The following PLEKHG2 variants were observed in gnomAD, a reference collection of about 807,000 sequenced individuals.
The protein encoded by PLEKHG2 is pleckstrin homology domain-containing family G member 2.
PLEKHG2 carries 71 observed loss-of-function variants against 104.4 expected under a neutral mutation model. That is an observed-to-expected ratio of 0.68 (90% CI 0.56 to 0.83). PLEKHG2 has a LOEUF of 0.83. Ranked by LOEUF, PLEKHG2 falls within the 40% of genes least tolerant of loss-of-function variation. The pLI is 0.00. For synonymous variants in PLEKHG2, 728 were observed against 737.0 expected, an observed-to-expected ratio of 0.99 and a Z score of 0.20; for missense variants, 1,730 against 1,809.4, an observed-to-expected ratio of 0.96 and a Z score of 0.80.
At position 39,415,290 on chromosome 19, in the gene PLEKHG2, G is replaced by T. The variant is rs183146145; in HGVS notation, c.378+30G>T. 7.7e-4 allele frequency: 1,233 copies of T among 1,605,376 alleles called. 7 individuals carry two copies. Among genetic ancestry groups the T allele is most frequent in the Non-Finnish European group, 6.2e-4 (729 of 1,175,726 alleles). Reference sequence around the variant, plus strand: ...GGCGGGCAGACACCAGAGGGCAGTGGGTACCCAGGCCAGCCCCTTGGCCCC... The same window carrying T: ...GGCGGGCAGACACCAGAGGGCAGTGTGTACCCAGGCCAGCCCCTTGGCCCC... On this transcript the variant is annotated intron_variant, in intron 3 of 18. Transcript: ENST00000425673. The surrounding 1 kb of genome is among the most constrained non-coding windows in gnomAD (Gnocchi z 4.6).
At position 39,423,011 on chromosome 19, in the gene PLEKHG2, G is replaced by C. The variant is rs748597403; in HGVS notation, c.1957G>C (p.Gly653Arg). The C allele has an allele frequency of 2.0e-5, 32 of 1,614,096 alleles. No individual in the cohort carries two copies. Among genetic ancestry groups the C allele is most frequent in the Non-Finnish European group, 2.5e-5 (30 of 1,180,038 alleles). Residue 653 changes from glycine (G) to arginine (R), a missense_variant, in exon 18 of 19, where the codon GGT (glycine) becomes CGT (arginine). Physicochemically the swap from Gly to Arg is moderately radical, Grantham distance 125. Transcript: ENST00000425673. ...TCCCAGCCGCTGTGAAATTCCCGAA[G>C]GTTCTCGCCTTCCTAGTCTCTCTGA... ...EIPSRCEIPEGSRLPSLSDIS... is the reference protein window; with the variant it reads ...EIPSRCEIPERSRLPSLSDIS...
In PLEKHG2 at chr19:39,425,567, A is replaced by G. The variant is rs187034800; in HGVS notation, c.*273A>G. ...GCTGTGGGAGATGACAAGACAATGA[A>G]TGGGAAGGTCTGACACAGAACAAAT... On this transcript the variant is annotated 3_prime_UTR_variant, in exon 19 of 19. Transcript: ENST00000425673. The G allele has an allele frequency of 4.6e-4, 228 of 491,178 alleles. 2 individuals carry two copies. The East Asian group carries it at 7.8e-3, about 17-fold the overall frequency. 30.4% of individuals were successfully genotyped at this position (491,178 alleles called of 1,614,324 possible).
chr19:39,424,250 C>A lies in PLEKHG2; in HGVS notation c.3117C>A (p.Pro1039=). ...CAGTTTCAGTCACCACCCCTGTGCC[C>A]AAGCAAGAAGGTCACCTAGACAGCG... ...DFTVSVTTPV[P]KQEGHLDSES... Residue 1039 remains proline, a synonymous_variant, in exon 19 of 19, where the codon CCC becomes CCA. Coordinates refer to ENST00000425673, the MANE Select transcript of PLEKHG2 (RefSeq NM_022835.3). 2 of 1,614,166 alleles carry A rather than the reference C, an allele frequency of 1.2e-6. No individual in the cohort carries two copies. The highest frequency in any genetic ancestry group is 1.7e-6 in the Non-Finnish European group (2 of 1,180,036).
chr19:39,413,804 C>T lies in PLEKHG2; in HGVS notation c.-22-261C>T, dbSNP rs1277567512. On this transcript the variant is annotated intron_variant, in intron 1 of 18. Coordinates refer to ENST00000425673, the MANE Select transcript of PLEKHG2 (RefSeq NM_022835.3). This position sits in a 1 kb window ranked among gnomAD's most constrained non-coding sequence, Gnocchi z 4.5. ...AAACGTTCCCAGGATCCCTAAGCCT[C>T]CGGCCCCAGACAAACGGGACTCGCA... 8.4e-6 allele frequency: 2 copies of T among 237,650 alleles called. No individual in the cohort carries two copies. The highest frequency in any genetic ancestry group is 1.7e-5 in the Non-Finnish European group (2 of 118,072). 14.7% of individuals were successfully genotyped at this position (237,650 alleles called of 1,614,324 possible).
Position 39,416,348 on chromosome 19 carries a change from C to T in PLEKHG2, c.480C>T (p.Ser160=), listed in dbSNP as rs1232983555. The change falls in exon 5 of 19, where the codon AGC becomes AGT. Residue 160 remains serine, a splice_region_variant and synonymous_variant. Transcript: ENST00000425673. This position sits in a 1 kb window ranked among gnomAD's most constrained non-coding sequence, Gnocchi z 4.5. ...CCTCACCCTCCCCTCTCCCCTGTAG[C>T]GAGCTCCTGGAGGACTTGGAGAACA... ...ANIEDIYEFS[S]ELLEDLENSS... 3.7e-6 allele frequency: 6 copies of T among 1,612,746 alleles called. No individual in the cohort carries two copies. The highest frequency in any genetic ancestry group is 1.1e-5 in the South Asian group (1 of 91,022).
In PLEKHG2 at chr19:39,424,575, C is replaced by T. The variant is rs1247449147; in HGVS notation, c.3442C>T (p.Leu1148=). ...TQVPATTPLP[L]PQVLTDIWVQ... ...GGTTCCAGCTACCACACCTTTGCCCCTGCCACAAGTCCTCACAGACATCTG... is the reference window on the plus strand; with the variant it reads ...GGTTCCAGCTACCACACCTTTGCCCTTGCCACAAGTCCTCACAGACATCTG... The change falls in exon 19 of 19, where the codon CTG becomes TTG. Residue 1148 remains leucine (L), a synonymous_variant. Transcript: ENST00000425673. 1 of 1,614,032 alleles carries T rather than the reference C, an allele frequency of 6.2e-7. No individual in the cohort carries two copies. Among genetic ancestry groups the T allele is most frequent in the Non-Finnish European group, 8.5e-7 (1 of 1,180,040 alleles).
rs746269413 is a variant in PLEKHG2 at position 39,424,770 on chromosome 19, C to T, written c.3637C>T (p.Pro1213Ser). The T allele has an allele frequency of 1.9e-6, 3 of 1,614,208 alleles. No individual in the cohort carries two copies. The highest frequency in any genetic ancestry group is 1.7e-6 in the Non-Finnish European group (2 of 1,180,038). ...AGATGCCCATGTTCCAGCTGCCACA[C>T]CTTTACCTGAGAGAGGAGGCTCTCT... ...LIDAHVPAAT[P>S]LPERGGSLDI... is the part of the protein sequence containing the mutation. The change falls in exon 19 of 19, where the codon CCT becomes TCT. Residue 1213 changes from proline (P) to serine (S), a missense_variant. Transcript: ENST00000425673.
Position 39,415,089 on chromosome 19 carries a change from TC to T in PLEKHG2, c.209del (p.Pro70GlnfsTer71). Reference sequence around the variant, plus strand: ...AGGGGGATCCAGCCCCTGGGCCCACTCCAGCCTGCTCAGCCTCCAGGCCAGA... The same window carrying T: ...AGGGGGATCCAGCCCCTGGGCCCACTCAGCCTGCTCAGCCTCCAGGCCAGA... ...SEGDPAPGPT[P>X]ACSASRPEPL... is the part of the protein sequence containing the mutation. On this transcript the variant is annotated frameshift_variant, in exon 3 of 19. Coordinates refer to ENST00000425673, the MANE Select transcript of PLEKHG2 (RefSeq NM_022835.3). LOFTEE classifies it high-confidence loss of function. The surrounding 1 kb of genome is among the most constrained non-coding windows in gnomAD (Gnocchi z 4.6). 10 of 1,590,946 alleles carry T rather than the reference TC, an allele frequency of 6.3e-6. No homozygotes were observed. In the Middle Eastern group the frequency reaches 6.6e-4, roughly 105 times the overall value.
chr19:39,416,658 C>T lies in PLEKHG2; in HGVS notation c.593+61C>T. The stretch of plus-strand genomic sequence containing the variant: ...TGCCCACAAGCTGATGTGCCAGTCA[C>T]CCGTCACCCTCCCTCTACCCCCGAC... On this transcript the variant is annotated intron_variant, in intron 6 of 18. Transcript: ENST00000425673. This position sits in a 1 kb window ranked among gnomAD's most constrained non-coding sequence, Gnocchi z 4.5. 3.1e-6 allele frequency: 5 copies of T among 1,594,246 alleles called. No homozygotes were observed. Among genetic ancestry groups the T allele is most frequent in the Non-Finnish European group, 4.3e-6 (5 of 1,163,472 alleles).
rs753709636 is a variant in PLEKHG2, at chr19:39,423,788, A to G, written c.2655A>G (p.Thr885=). The change falls in exon 19 of 19, where the codon ACA becomes ACG. Residue 885 remains threonine, a synonymous_variant. Coordinates refer to ENST00000425673, the MANE Select transcript of PLEKHG2 (RefSeq NM_022835.3). ...VLVCELAFPL[T]CAQESVPLGP... is the part of the protein sequence containing the mutation. Reference sequence around the variant, plus strand: ...TATGTGAGCTGGCCTTCCCACTGACATGTGCCCAGGAGTCTGTCCCCCTGG... The same window carrying G: ...TATGTGAGCTGGCCTTCCCACTGACGTGTGCCCAGGAGTCTGTCCCCCTGG... 1.2e-6 allele frequency: 2 copies of G among 1,614,108 alleles called. No homozygotes were observed. Among genetic ancestry groups the G allele is most frequent in the African/African-American group, 1.3e-5 (1 of 75,048 alleles).
In PLEKHG2 at chr19:39,418,935, A is replaced by G; in HGVS notation, c.1195A>G (p.Lys399Glu). 1 of 1,612,684 alleles carries G rather than the reference A, an allele frequency of 6.2e-7. No homozygotes were observed. The highest frequency in any genetic ancestry group is 8.5e-7 in the Non-Finnish European group (1 of 1,179,348). ...CTCCTAGGCCAAGAACCAAGAAGAG[A>G]AGAGGCTGTGGATTCACTGTCTCCA... ...HLLQAKNQEEKRLWIHCLQRL... is the reference protein window; with the variant it reads ...HLLQAKNQEEERLWIHCLQRL... Residue 399 changes from lysine to glutamate, a missense_variant, in exon 11 of 19, where the codon AAG (lysine) becomes GAG (glutamate). Physicochemically the swap from Lys to Glu is moderately conservative, Grantham distance 56. Coordinates refer to ENST00000425673, the MANE Select transcript of PLEKHG2 (RefSeq NM_022835.3).
chr19:39,424,494 C>T lies in PLEKHG2; in HGVS notation c.3361C>T (p.His1121Tyr). ...GCCTGCACATGGAAGCCACCTGGACCATCGGATCCCAGCCAACGCCCCACT... is the reference window on the plus strand; with the variant it reads ...GCCTGCACATGGAAGCCACCTGGACTATCGGATCCCAGCCAACGCCCCACT... ...PLPAHGSHLDHRIPANAPLSL... is the reference protein window; with the variant it reads ...PLPAHGSHLDYRIPANAPLSL... Residue 1121 changes from histidine (H) to tyrosine (Y), a missense_variant, in exon 19 of 19, where the codon CAT (histidine) becomes TAT (tyrosine). Transcript: ENST00000425673. 1.2e-6 allele frequency: 2 copies of T among 1,614,104 alleles called. No homozygotes were observed. The highest frequency in any genetic ancestry group is 1.7e-6 in the Non-Finnish European group (2 of 1,180,028).
At chr19:39,417,052 G>A in intron 7 of PLEKHG2, 52 bp downstream of exon 7, 1 of 1,533,142 alleles carries the variant, frequency 6.5e-7, no homozygotes. Context: ...CCTGTCCCTT[G>A]ACCACCTGTT....
chr19:39,419,642 C>A (rs1278102406), intron 11 of PLEKHG2, among the ~76,000 whole-genome samples: 1 of 152,078 alleles, frequency 6.6e-6, no homozygotes, highest in Non-Finnish European at 1.5e-5. Context: ...CTTTGGGAGG[C>A]CGAGGCGGGC....
rs371530075 is a variant in PLEKHG2, at chr19:39,425,431, C to T, written c.*137C>T. The T allele has an allele frequency of 4.1e-5, 55 of 1,353,340 alleles. No homozygotes were observed. The highest frequency in any genetic ancestry group is 4.6e-5 in the Non-Finnish European group (47 of 1,030,830). The allele number at this position is 1,353,340 out of a possible 1,614,324, so 83.8% of individuals were successfully genotyped here. On this transcript the variant is annotated 3_prime_UTR_variant, in exon 19 of 19. Coordinates refer to ENST00000425673, the MANE Select transcript of PLEKHG2 (RefSeq NM_022835.3). ...TTCCAACTCCTGGTATCTGCATCGG[C>T]GAATGGCCCTTCTTGCCTTGATCCA...
chr19:39,425,509 T>C lies in PLEKHG2; in HGVS notation c.*215T>C. On this transcript the variant is annotated 3_prime_UTR_variant, in exon 19 of 19. Transcript: ENST00000425673. Reference sequence around the variant, plus strand: ...TAATGTTTTGTTAATACTGATTCTTTCATGCAATGATGTGTATTTTCCCAT... The same window carrying C: ...TAATGTTTTGTTAATACTGATTCTTCCATGCAATGATGTGTATTTTCCCAT... 2 of 724,040 alleles carry C rather than the reference T, an allele frequency of 2.8e-6. No homozygotes were observed. Among genetic ancestry groups the C allele is most frequent in the East Asian group, 6.3e-5 (2 of 31,616 alleles). 44.9% of individuals were successfully genotyped at this position (724,040 alleles called of 1,614,324 possible).
chr19:39,424,935 C>G lies in PLEKHG2; in HGVS notation c.3802C>G (p.Gln1268Glu). ...PPHSPPPSSR[Q>E]LLGPNAAALS... ...TCATAGTCCCCCACCTTCCAGCCGT[C>G]AGCTCCTGGGCCCCAATGCAGCTGC... The change falls in exon 19 of 19, where the codon CAG becomes GAG. Residue 1268 changes from glutamine (Q) to glutamate (E), a missense_variant. Coordinates refer to ENST00000425673, the MANE Select transcript of PLEKHG2 (RefSeq NM_022835.3). 2 of 1,614,256 alleles carry G rather than the reference C, an allele frequency of 1.2e-6. No individual in the cohort carries two copies. Among genetic ancestry groups the G allele is most frequent in the Non-Finnish European group, 1.7e-6 (2 of 1,180,042 alleles).
chr19:39,423,018 G>C lies in PLEKHG2; in HGVS notation c.1964G>C (p.Arg655Pro). ...PSRCEIPEGS[R>P]LPSLSDISDV... ...CGCTGTGAAATTCCCGAAGGTTCTCGCCTTCCTAGTCTCTCTGACATTTCC... is the reference window on the plus strand; with the variant it reads ...CGCTGTGAAATTCCCGAAGGTTCTCCCCTTCCTAGTCTCTCTGACATTTCC... The change falls in exon 18 of 19, where the codon CGC becomes CCC. Residue 655 changes from arginine to proline, a missense_variant. Transcript: ENST00000425673. 6.2e-7 allele frequency: 1 copy of C among 1,614,104 alleles called. No homozygotes were observed. The highest frequency in any genetic ancestry group is 8.5e-7 in the Non-Finnish European group (1 of 1,180,002).
In PLEKHG2 at chr19:39,425,376, C is replaced by T; in HGVS notation, c.*82C>T. The T allele has an allele frequency of 6.6e-7, 1 of 1,512,078 alleles. No individual in the cohort carries two copies. The highest frequency in any genetic ancestry group is 1.3e-5 in the South Asian group (1 of 76,140). 93.7% of individuals were successfully genotyped at this position (1,512,078 alleles called of 1,614,324 possible). ...AGAACTTGACCTGGAAGTCCAGACA[C>T]TGAACGCAGGCCTCAAAACTGCTGC... On this transcript the variant is annotated 3_prime_UTR_variant, in exon 19 of 19. Coordinates refer to ENST00000425673, the MANE Select transcript of PLEKHG2 (RefSeq NM_022835.3).
Sources: allele counts gnomAD v4.1 joint callset (sites outside exome capture counted in the v4.1 genomes callset), GRCh38; gene constraint gnomAD v4.1.1; non-coding constraint Gnocchi (gnomAD v3.1); transcripts MANE v1.5; gene names NCBI Gene and HGNC (gene_info 2026-07-23, HGNC 2026-07-21).